Variants in PDE4B observed in about 807,000 individuals in gnomAD.
PDE4B encodes phosphodiesterase 4B, also known as 3',5'-cyclic-AMP phosphodiesterase 4B.
A neutral mutation model predicts 82.2 loss-of-function variants in PDE4B; 20 were observed. The ratio of observed to expected loss-of-function variants is 0.24; its 90% CI spans 0.17 to 0.35. PDE4B has a LOEUF of 0.35. PDE4B is among the 10% of genes least tolerant of loss of function. PDE4B has a pLI of 1.00. For missense variants in PDE4B, 655 were observed against 907.2 expected (o/e 0.72, Z 3.57); for synonymous variants, 320 against 318.9 (o/e 1.00, Z -0.04).
At chr1:66,342,175 T>C (rs1661036979) in intron 8 of PDE4B, among the ~76,000 whole-genome samples, 1 of 152,166 alleles carries the variant, frequency 6.6e-6, no homozygotes, top group Non-Finnish European at 1.5e-5. Context: ...ACTCGAGGAA[T>C]TGAGCATCTT....
intron 1 of PDE4B, among the ~76,000 whole-genome samples, chr1:65,874,091 C>G (rs937550197): frequency 6.6e-6 from 1 of 151,690 alleles, no homozygotes; most frequent in East Asian, 1.9e-4. Context: ...CTTTTATTTC[C>G]TTGAGCAGTG....
chr1:65,878,837 A>G (rs1646678108), intron 1 of PDE4B, among the ~76,000 whole-genome samples: 1 of 152,190 alleles, frequency 6.6e-6, no homozygotes, highest in South Asian at 2.1e-4. Context: ...ACTATGGCAC[A>G]TGTATACCTA....
At chr1:66,205,635 C>A (rs1484780507) in intron 3 of PDE4B, among the ~76,000 whole-genome samples, 2 of 152,160 alleles carry the variant, frequency 1.3e-5, no homozygotes, top group African/African-American at 2.4e-5. Flanking sequence ...TATATTAAAC[C>A]TGTTCACAGT....
At chr1:66,093,419 G>T (rs1645061697) in intron 3 of PDE4B, among the ~76,000 whole-genome samples, 4 of 152,048 alleles carry the variant, frequency 2.6e-5, no homozygotes, top group Admixed American at 2.6e-4. Flanking sequence ...TGGATGACAT[G>T]ATACCAGTGA....
chr1:66,049,383 G>T (rs1020057344), intron 3 of PDE4B, among the ~76,000 whole-genome samples: 6 of 152,000 alleles, frequency 3.9e-5, no homozygotes, highest in South Asian at 2.1e-4. Flanking sequence ...TGGGAGTGTG[G>T]TGTCTGTGTT....
At chr1:66,040,439 G>A (rs1654306939) in intron 3 of PDE4B, among the ~76,000 whole-genome samples, 1 of 152,014 alleles carries the variant, frequency 6.6e-6, no homozygotes. Flanking sequence ...AGTGGGAGTA[G>A]GCTAGATGTT....
Position 66,096,390 on chromosome 1 carries a change from G to T in PDE4B, c.282-151070G>T, listed in dbSNP as rs182290961. On this transcript the variant is annotated intron_variant, in intron 3 of 16. Coordinates refer to ENST00000341517, the MANE Select transcript of PDE4B (RefSeq NM_002600.4). Reference sequence around the variant, plus strand: ...TGAGTTTCGACAAATGCATACAGTTGCATAACAACCACCACAATTATGACA... The same window carrying T: ...TGAGTTTCGACAAATGCATACAGTTTCATAACAACCACCACAATTATGACA... Among the ~76,000 whole-genome samples, 1,097 of 150,778 alleles carry T rather than the reference G, an allele frequency of 7.3e-3. 5 individuals carry two copies. Among genetic ancestry groups the T allele is most frequent in the Non-Finnish European group, 0.012 (825 of 67,480 alleles).
chr1:65,935,925 G>A (rs371206015), intron 3 of PDE4B, among the ~76,000 whole-genome samples: 15 of 152,008 alleles, frequency 9.9e-5, no homozygotes, highest in Admixed American at 6.6e-4. Context: ...CAACAAAAGC[G>A]AAATTCTGTC....
intron 1 of PDE4B, among the ~76,000 whole-genome samples, chr1:65,845,995 C>T (rs1312794481): frequency 1.3e-5 from 2 of 152,294 alleles, no homozygotes; most frequent in African/African-American, 2.4e-5. Flanking sequence ...CCGCCTCCTC[C>T]GTGGGCTTTT....
chr1:66,198,162 C>T (rs1219169331), intron 3 of PDE4B, among the ~76,000 whole-genome samples: 9 of 152,148 alleles, frequency 5.9e-5, no homozygotes, highest in South Asian at 4.1e-4. Flanking sequence ...TCAAACCAAG[C>T]GGCTAATATT....
At chr1:65,958,782 G>A (rs1324746596) in intron 3 of PDE4B, among the ~76,000 whole-genome samples, 4 of 151,106 alleles carry the variant, frequency 2.6e-5, no homozygotes, top group East Asian at 2.0e-4. Flanking sequence ...ATACACACAC[G>A]CAAAATACCA....
At chr1:65,973,407 C>T (rs528040742) in intron 3 of PDE4B, among the ~76,000 whole-genome samples, 2 of 152,130 alleles carry the variant, frequency 1.3e-5, no homozygotes, top group South Asian at 4.1e-4. Context: ...AGTGAGACAG[C>T]TGGGTTTGAA....
intron 3 of PDE4B, among the ~76,000 whole-genome samples, chr1:66,090,184 G>C: frequency 6.6e-6 from 1 of 151,962 alleles, no homozygotes; most frequent in South Asian, 2.1e-4. Flanking sequence ...TATTAATAAG[G>C]CAAATGTATT....
intron 3 of PDE4B, among the ~76,000 whole-genome samples, chr1:65,987,761 C>A (rs1026586684): frequency 6.6e-6 from 1 of 152,028 alleles, no homozygotes; most frequent in Admixed American, 6.6e-5. Flanking sequence ...TACAGGCATG[C>A]GCTGCCACGC....
intron 13 of PDE4B, 92 bp from the exon 14 acceptor site, chr1:66,367,604 G>A: frequency 9.9e-7 from 1 of 1,005,102 alleles, no homozygotes; most frequent in South Asian, 1.7e-5. Context: ...AAATAATTTG[G>A]AGAGAACTAG....
intron 3 of PDE4B, among the ~76,000 whole-genome samples, chr1:65,973,091 G>GA (rs974017571): frequency 5.9e-5 from 9 of 151,642 alleles, no homozygotes; most frequent in Admixed American, 2.0e-4. Flanking sequence ...ACAATATTAG[G>GA]AAAAAAAATC....
At chr1:66,121,804 A>C (rs568673844) in intron 3 of PDE4B, among the ~76,000 whole-genome samples, 1 of 152,308 alleles carries the variant, frequency 6.6e-6, no homozygotes, top group East Asian at 1.9e-4. Flanking sequence ...TCTTTCACAG[A>C]ATTATGCTCA....
At chr1:65,833,863 T>A (rs796321793) in intron 1 of PDE4B, among the ~76,000 whole-genome samples, 61 of 152,354 alleles carry the variant, frequency 4.0e-4, no homozygotes, top group African/African-American at 1.4e-3. Context: ...TTAAATTATA[T>A]CAAAAACTAG....
intron 4 of PDE4B, 87 bp from the exon 5 acceptor site, chr1:66,257,560 C>T (rs766356462): frequency 3.1e-4 from 377 of 1,210,310 alleles, no homozygotes; most frequent in Non-Finnish European, 4.2e-4. Context: ...GTGTTGTTAA[C>T]ACTGATAAAA....
Sources: gnomAD v4.1 joint callset for allele counts (sites outside exome capture counted in the v4.1 genomes callset) on GRCh38, gnomAD v4.1.1 for gene constraint, MANE v1.5 for transcripts, NCBI Gene and HGNC (gene_info 2026-07-23, HGNC 2026-07-21) for gene names.